The following PALM2AKAP2 variants were observed in gnomAD, a reference collection of about 807,000 sequenced individuals.
The protein encoded by PALM2AKAP2 is PALM2-AKAP2 fusion protein.
A neutral mutation model predicts 71.5 loss-of-function variants in PALM2AKAP2; 37 were observed. The ratio of observed to expected loss-of-function variants is 0.52; its 90% CI spans 0.40 to 0.68. The LOEUF is 0.68. Among genes scored for constraint, PALM2AKAP2 ranks in the 30% least tolerant of loss-of-function variants. The probability of loss-of-function intolerance (pLI) is 0.00; values close to 1 mark genes in which losing one functional copy is unlikely to be tolerated. For missense variants in PALM2AKAP2, 1,224 were observed against 1,191.8 expected (o/e 1.03, Z -0.40); for synonymous variants, 468 against 478.8 (o/e 0.98, Z 0.29).
chr9:109,843,385 T>C (rs1275271664), intron 1 of PALM2AKAP2, among the ~76,000 whole-genome samples: 1 of 151,860 alleles, frequency 6.6e-6, no homozygotes, highest in Non-Finnish European at 1.5e-5. Context: ...GCACTATTGA[T>C]TTTTATTTGA....
At chr9:109,729,497 T>C (rs1828523826) in intron 1 of PALM2AKAP2, among the ~76,000 whole-genome samples, 1 of 152,204 alleles carries the variant, frequency 6.6e-6, no homozygotes, top group African/African-American at 2.4e-5. Flanking sequence ...ATCACTCAAC[T>C]TTCCTCGATT....
intron 7 of PALM2AKAP2, among the ~76,000 whole-genome samples, chr9:110,033,782 G>A (rs1438779128): frequency 6.6e-6 from 1 of 152,186 alleles, no homozygotes. Context: ...CCTGATCTAA[G>A]ACCACTGTAG....
chr9:110,117,452 A>T (rs1404884785), intron 1 of PALM2AKAP2, among the ~76,000 whole-genome samples: 2 of 152,272 alleles, frequency 1.3e-5, no homozygotes, highest in Non-Finnish European at 2.9e-5. Flanking sequence ...TGAAATAAAA[A>T]CCATGGACTC....
intron 6 of PALM2AKAP2, among the ~76,000 whole-genome samples, chr9:109,988,491 G>A (rs777555776): frequency 8.6e-5 from 13 of 151,198 alleles, no homozygotes; most frequent in Non-Finnish European, 1.6e-4. Context: ...TAAAAGTAGG[G>A]GAAAATAAAA....
chr9:109,938,829 G>A (rs1831290783), intron 6 of PALM2AKAP2, among the ~76,000 whole-genome samples: 1 of 152,166 alleles, frequency 6.6e-6, no homozygotes. Flanking sequence ...AGGAGTTTGA[G>A]ACTAGCCTGG....
intron 1 of PALM2AKAP2, among the ~76,000 whole-genome samples, chr9:110,097,662 T>G (rs1673987114): frequency 6.9e-6 from 1 of 144,130 alleles, no homozygotes; most frequent in Non-Finnish European, 1.5e-5. Context: ...GCAGAGATGC[T>G]CCTCACTTTC....
chr9:109,813,771 C>G (rs1827783979), intron 1 of PALM2AKAP2, among the ~76,000 whole-genome samples: 1 of 152,144 alleles, frequency 6.6e-6, no homozygotes, highest in Non-Finnish European at 1.5e-5. Context: ...CTCGTGTTGT[C>G]CTGGACTTTT....
At chr9:109,675,571 C>T (rs2118502208) in intron 1 of PALM2AKAP2, among the ~76,000 whole-genome samples, 1 of 152,226 alleles carries the variant, frequency 6.6e-6, no homozygotes, top group African/African-American at 2.4e-5. Flanking sequence ...TACATATTAA[C>T]AAAATGTCTC....
intron 6 of PALM2AKAP2, among the ~76,000 whole-genome samples, chr9:109,986,191 A>G (rs1832375178): frequency 6.6e-6 from 1 of 152,226 alleles, no homozygotes; most frequent in African/African-American, 2.4e-5. Flanking sequence ...ACTGAATGAC[A>G]TAGAGCTGCG....
chr9:109,835,459 A>C lies in PALM2AKAP2; in HGVS notation c.46-32032A>C, dbSNP rs1481398878. The stretch of plus-strand genomic sequence containing the variant: ...CTACAGCTCCCAGCGTGAGCAACAC[A>C]GAAGATGGGTGATTTCTGCATTTCC... On this transcript the variant is annotated intron_variant, in intron 1 of 9. Coordinates refer to the PALM2AKAP2 transcript ENST00000302798. Among the ~76,000 whole-genome samples, 3 of 152,148 alleles carry C rather than the reference A, an allele frequency of 2.0e-5. No homozygotes were observed. The East Asian group carries it at 5.8e-4, about 29-fold the overall frequency.
intron 1 of PALM2AKAP2, among the ~76,000 whole-genome samples, chr9:110,052,091 A>G (rs1159213917): frequency 6.6e-6 from 1 of 150,996 alleles, no homozygotes; most frequent in East Asian, 1.9e-4. Context: ...TTTAGTAGAG[A>G]CAGGGTTTCA....
Position 109,801,410 on chromosome 9 carries a change from C to T in PALM2AKAP2, c.45+20877C>T, listed in dbSNP as rs571265394. ...ATATGTTGCTTAGAAAGGTGGATTC[C>T]AGATGATTGAGCTGAAATGGAGTTG... On this transcript the variant is annotated intron_variant, in intron 1 of 9. Transcript: ENST00000302798. Among the ~76,000 whole-genome samples, 7 of 152,250 alleles carry T rather than the reference C, an allele frequency of 4.6e-5. No homozygotes were observed. In the East Asian group the frequency reaches 1.3e-3, roughly 29 times the overall value.
intron 1 of PALM2AKAP2, among the ~76,000 whole-genome samples, chr9:109,693,383 A>G (rs76926420): frequency 0.015 from 2,276 of 151,600 alleles, 21 homozygotes; most frequent in Middle Eastern, 0.068. Context: ...TGTTTTATCA[A>G]TTTTGCTGAC....
At chr9:109,924,852 T>C (rs1307617884) in intron 4 of PALM2AKAP2, among the ~76,000 whole-genome samples, 2 of 152,208 alleles carry the variant, frequency 1.3e-5, no homozygotes, top group South Asian at 2.1e-4. Flanking sequence ...TAAATCTCTA[T>C]TGGGAGAAAT....
intron 1 of PALM2AKAP2, among the ~76,000 whole-genome samples, chr9:110,078,025 A>AAG (rs1554748323): frequency 2.0e-5 from 3 of 151,958 alleles, no homozygotes; most frequent in Non-Finnish European, 2.9e-5. Flanking sequence ...AAAAAAAAAA[A>AAG]AAAGAAAGAA....
chr9:110,016,667 G>A (rs1832985114), intron 7 of PALM2AKAP2, among the ~76,000 whole-genome samples: 1 of 152,110 alleles, frequency 6.6e-6, no homozygotes, highest in Non-Finnish European at 1.5e-5. Flanking sequence ...AGTTATCAGA[G>A]GTGCCACCAT....
At chr9:109,966,335 C>T (rs373224444) in intron 6 of PALM2AKAP2, among the ~76,000 whole-genome samples, 22 of 152,178 alleles carry the variant, frequency 1.4e-4, no homozygotes, top group African/African-American at 5.1e-4. Context: ...CCTTGATAGA[C>T]TTAAGATATC....
Position 110,138,113 on chromosome 9 carries a change from C to T in PALM2AKAP2, c.2143C>T (p.Pro715Ser), listed in dbSNP as rs150118041. ...AGAAAAGCCTCAGAGCATGTTTGAGCCACCTCAGGTGTCTTCTCCTGTTCA... is the reference window on the plus strand; with the variant it reads ...AGAAAAGCCTCAGAGCATGTTTGAGTCACCTCAGGTGTCTTCTCCTGTTCA... Residue 715 changes from proline (P) to serine (S), a missense_variant, in exon 2 of 4, where the codon CCA becomes TCA. Transcript: ENST00000374525. The T allele has an allele frequency of 2.0e-4, 326 of 1,614,128 alleles. 1 individual carries two copies. The African/African-American group carries it at 3.7e-3, about 18-fold the overall frequency.
At chr9:109,931,174 C>T (rs913588813) in intron 5 of PALM2AKAP2, among the ~76,000 whole-genome samples, 6 of 152,148 alleles carry the variant, frequency 3.9e-5, no homozygotes, top group Admixed American at 2.6e-4. Flanking sequence ...CCTCTGATAC[C>T]TTGGCATGCT....
Sources: allele counts gnomAD v4.1 joint callset (sites outside exome capture counted in the v4.1 genomes callset), GRCh38; gene constraint gnomAD v4.1.1; transcripts MANE v1.5; gene names NCBI Gene and HGNC (gene_info 2026-07-23, HGNC 2026-07-21).